The following GRAMD1B variants were observed in gnomAD, a reference collection of about 807,000 sequenced individuals.
The protein encoded by GRAMD1B is protein Aster-B.
In GRAMD1B, 37 loss-of-function variants were observed where a neutral mutation model predicts 99.7. That is an observed-to-expected ratio of 0.37 (90% CI 0.29 to 0.49). The LOEUF is 0.49. GRAMD1B is among the 20% of genes least tolerant of loss of function. The pLI, the probability that GRAMD1B is intolerant of heterozygous loss-of-function variation, is 0.98. For synonymous variants in GRAMD1B, 427 were observed against 387.6 expected (o/e 1.10, Z -1.19); for missense variants, 888 against 1,009.2 (o/e 0.88, Z 1.63).
intron 2 of GRAMD1B, among the ~76,000 whole-genome samples, chr11:123,483,737 G>T (rs577548509): frequency 1.3e-5 from 2 of 152,224 alleles, no homozygotes; most frequent in South Asian, 4.1e-4. Flanking sequence ...GATAAGGGGG[G>T]ACTGCTGTAA....
intron 3 of GRAMD1B, chr11:123,578,264 AC>A: frequency 3.1e-6 from 2 of 646,392 alleles, no homozygotes; most frequent in East Asian, 2.7e-5. Flanking sequence ...TCACCCTGGG[AC>A]CCCCAGGGCC....
At chr11:123,435,937 CT>C (rs10647186) in intron 1 of GRAMD1B, among the ~76,000 whole-genome samples, 18,535 of 95,098 alleles carry the variant, frequency 0.19, 589 homozygotes, top group Non-Finnish European at 0.24. Flanking sequence ...GAAACTCATA[CT>C]TTTTTTTTTT....
chr11:123,376,932 G>A (rs954451039), intron 1 of GRAMD1B, among the ~76,000 whole-genome samples: 5 of 152,148 alleles, frequency 3.3e-5, no homozygotes, highest in Non-Finnish European at 1.5e-5. Flanking sequence ...AAAGTAACAG[G>A]TGTGAAATTA....
intron 17 of GRAMD1B, chr11:123,618,403 C>A: frequency 6.4e-7 from 1 of 1,569,620 alleles, no homozygotes; most frequent in Non-Finnish European, 8.8e-7. Context: ...TCTTTTCCTC[C>A]CCACCGTACC....
At chr11:123,599,018 A>T in intron 7 of GRAMD1B, 1 of 1,104,104 alleles carries the variant, frequency 9.1e-7, no homozygotes. Flanking sequence ...ACTTGAGGCA[A>T]CAGTCATGGA....
chr11:123,449,215 C>T (rs1333314033), intron 1 of GRAMD1B, among the ~76,000 whole-genome samples: 3 of 152,138 alleles, frequency 2.0e-5, no homozygotes, highest in East Asian at 3.8e-4. Context: ...ATAACGTGCT[C>T]GCATTGTATC....
intron 4 of GRAMD1B, among the ~76,000 whole-genome samples, chr11:123,589,084 G>A (rs549987786): frequency 4.0e-5 from 6 of 151,838 alleles, no homozygotes; most frequent in African/African-American, 1.4e-4. Context: ...ACCGGAATGT[G>A]TCACATGAGC....
At chr11:123,437,178 A>G (rs901613495) in intron 1 of GRAMD1B, among the ~76,000 whole-genome samples, 1 of 152,114 alleles carries the variant, frequency 6.6e-6, no homozygotes, top group African/African-American at 2.4e-5. Flanking sequence ...TTTGCTGGCC[A>G]TGTTGCCCTC....
intron 2 of GRAMD1B, among the ~76,000 whole-genome samples, chr11:123,563,272 A>G (rs1343063123): frequency 6.6e-6 from 1 of 152,228 alleles, no homozygotes; most frequent in Non-Finnish European, 1.5e-5. Flanking sequence ...CCAAGGTGCA[A>G]TGAGTTACAC....
chr11:123,373,099 A>G (rs1946581211), intron 1 of GRAMD1B, among the ~76,000 whole-genome samples: 1 of 152,204 alleles, frequency 6.6e-6, no homozygotes, highest in Admixed American at 6.5e-5. Flanking sequence ...AGATCGTGCC[A>G]CTGCAATCCA....
chr11:123,613,300 G>A (rs893109817), intron 15 of GRAMD1B, 155 bp from the exon 16 acceptor site: 1 of 616,110 alleles, frequency 1.6e-6, no homozygotes, highest in Admixed American at 2.9e-5. Context: ...CTGGGGCTGG[G>A]TCCCACAAGT....
intron 2 of GRAMD1B, among the ~76,000 whole-genome samples, chr11:123,554,231 G>T (rs949419427): frequency 3.9e-5 from 6 of 152,196 alleles, no homozygotes; most frequent in African/African-American, 1.4e-4. Flanking sequence ...CTGGCTCATA[G>T]TATACTTTGA....
rs145852989 is a variant in GRAMD1B, at chr11:123,480,365, C to G, written c.375-451C>G. On this transcript the variant is annotated intron_variant, in intron 1 of 19. Coordinates refer to ENST00000635736, the MANE Select transcript of GRAMD1B (RefSeq NM_001387025.1). Reference sequence around the variant, plus strand: ...GGCCCCATCTAGTCTTCTGTCTTACCGGAATCTCCCTCCTCCCACACATCT... The same window carrying G: ...GGCCCCATCTAGTCTTCTGTCTTACGGGAATCTCCCTCCTCCCACACATCT... Among the ~76,000 whole-genome samples, 1,420 of 152,140 alleles carry G rather than the reference C, an allele frequency of 9.3e-3. 24 individuals carry two copies. Among genetic ancestry groups the G allele is most frequent in the African/African-American group, 0.033 (1,351 of 41,496 alleles).
chr11:123,390,862 C>T (rs764024750), intron 1 of GRAMD1B, among the ~76,000 whole-genome samples: 7 of 152,208 alleles, frequency 4.6e-5, no homozygotes, highest in Non-Finnish European at 8.8e-5. Flanking sequence ...TCCCATCTCA[C>T]TTGATTCCAT....
At chr11:123,589,312 T>C (rs561469664) in intron 4 of GRAMD1B, among the ~76,000 whole-genome samples, 52 of 151,972 alleles carry the variant, frequency 3.4e-4, no homozygotes, top group African/African-American at 1.2e-3. Flanking sequence ...GAGAGCTGCG[T>C]CTGCATCCGT....
chr11:123,513,487 CCTTT>C (rs1462821205), intron 2 of GRAMD1B, among the ~76,000 whole-genome samples: 2 of 151,502 alleles, frequency 1.3e-5, no homozygotes, highest in Admixed American at 6.6e-5. Context: ...TAGTTTCCTT[CCTTT>C]CTTTCTCCCT....
intron 19 of GRAMD1B, 167 bp downstream of exon 19, chr11:123,619,391 T>G (rs1214114941): frequency 6.7e-7 from 1 of 1,490,352 alleles, no homozygotes; most frequent in Admixed American, 2.1e-5. Context: ...CTTCCTTGAG[T>G]GGGCTGCTAG....
In GRAMD1B at chr11:123,388,129, C is replaced by CAAAAA. The variant is rs34085785; in HGVS notation, c.-176+29347_-176+29351dup. Among the ~76,000 whole-genome samples, 79 of 71,470 alleles carry CAAAAA rather than the reference C, an allele frequency of 1.1e-3. 1 individual carries two copies. Among genetic ancestry groups the CAAAAA allele is most frequent in the Admixed American group, 1.8e-3 (11 of 6,026 alleles). 46.9% of individuals were successfully genotyped at this position (71,470 alleles called of 152,430 possible). A position where few individuals can be genotyped will look rare whatever the true frequency, so the allele number is the denominator to read the frequency against. On this transcript the variant is annotated intron_variant, in intron 1 of 20. Transcript: ENST00000638157. ...CGACAAAAGCGAGACTCCTCCTCCT[C>CAAAAA]AAAAAAAAAAAAAAAAAAAAATAGC...
chr11:123,470,517 T>C (rs952801882), intron 1 of GRAMD1B, among the ~76,000 whole-genome samples: 138 of 140,858 alleles, frequency 9.8e-4, no homozygotes, highest in African/African-American at 2.7e-3. Context: ...TTTCTTTTTT[T>C]TTTTTTTTTT....
Sources: allele counts gnomAD v4.1 joint callset (sites outside exome capture counted in the v4.1 genomes callset), GRCh38; gene constraint gnomAD v4.1.1; transcripts MANE v1.5; gene names NCBI Gene and HGNC (gene_info 2026-07-23, HGNC 2026-07-21).